The following ZFHX3 variants were observed in gnomAD, a reference collection of about 807,000 sequenced individuals.
ZFHX3 encodes zinc finger homeobox 3, also known as zinc finger homeobox protein 3.
Under a neutral mutation model 279.1 loss-of-function variants are expected in ZFHX3, and 42 were observed. The observed-to-expected ratio is 0.15, with a 90% CI of 0.12 to 0.19. The LOEUF is 0.19. Ranked by LOEUF, ZFHX3 falls within the 10% of genes least tolerant of loss-of-function variation. The pLI is 1.00. For missense variants in ZFHX3, 4,981 were observed against 4,754.0 expected (o/e 1.05, Z -1.40); for synonymous variants, 2,293 against 1,957.8 (o/e 1.17, Z -4.52).
chr16:72,921,213 C>A (rs996182679), intron 3 of ZFHX3, among the ~76,000 whole-genome samples: 3 of 152,172 alleles, frequency 2.0e-5, no homozygotes, highest in Admixed American at 1.3e-4. Flanking sequence ...TCCCGCCACA[C>A]CCTACATCAT....
At chr16:73,278,593 C>T (rs2014369771) in intron 4 of ZFHX3, among the ~76,000 whole-genome samples, 1 of 152,238 alleles carries the variant, frequency 6.6e-6, no homozygotes, top group Non-Finnish European at 1.5e-5. Context: ...GAGGTGCTGG[C>T]TGGGGTGGCC....
At position 72,785,880 on chromosome 16, in the gene ZFHX3, G is replaced by GT. The variant is rs1487682835; in HGVS notation, c.*1283dup. 1 of 152,102 alleles carries GT rather than the reference G, an allele frequency of 6.6e-6. No individual in the cohort carries two copies. The highest frequency in any genetic ancestry group is 1.5e-5 in the Non-Finnish European group (1 of 68,014). The allele number at this position is 152,102 out of a possible 1,614,324, so 9.4% of individuals were successfully genotyped here. On this transcript the variant is annotated 3_prime_UTR_variant, in exon 10 of 10. Coordinates refer to ENST00000268489, the MANE Select transcript of ZFHX3 (RefSeq NM_006885.4). ...AAATGCACAAAGCTAACAGACACAGGTAACTAGAATTATATGCCTTTAAAA... is the reference window on the plus strand; with the variant it reads ...AAATGCACAAAGCTAACAGACACAGGTTAACTAGAATTATATGCCTTTAAAA...
chr16:73,881,301 C>G (rs1306048715), intron 1 of ZFHX3, among the ~76,000 whole-genome samples: 1 of 152,110 alleles, frequency 6.6e-6, no homozygotes, highest in Non-Finnish European at 1.5e-5. Flanking sequence ...CGGTCTGTCA[C>G]GACATGCAGG....
intron 1 of ZFHX3, among the ~76,000 whole-genome samples, chr16:73,835,977 G>A (rs544858124): frequency 1.6e-4 from 24 of 152,102 alleles, no homozygotes; most frequent in Non-Finnish European, 2.2e-4. Context: ...ATGGGCTCAT[G>A]GAAATGAAAA....
chr16:73,201,067 C>G (rs1968257182), intron 5 of ZFHX3, among the ~76,000 whole-genome samples: 1 of 152,200 alleles, frequency 6.6e-6, no homozygotes, highest in African/African-American at 2.4e-5. Flanking sequence ...AGGGCAGACC[C>G]TACTCCCTGG....
chr16:73,771,311 G>A (rs976936839), intron 1 of ZFHX3, among the ~76,000 whole-genome samples: 3 of 152,130 alleles, frequency 2.0e-5, no homozygotes, highest in Non-Finnish European at 4.4e-5. Context: ...CCCTTAAGCA[G>A]GAGATCCTGG....
intron 1 of ZFHX3, among the ~76,000 whole-genome samples, chr16:73,862,098 A>C (rs1597148305): frequency 6.6e-6 from 1 of 152,256 alleles, no homozygotes; most frequent in Non-Finnish European, 1.5e-5. Context: ...CCAAGTGCTG[A>C]GCATTCATTT....
intron 2 of ZFHX3, among the ~76,000 whole-genome samples, chr16:73,514,247 C>CA (rs1174764051): frequency 5.1e-4 from 73 of 142,878 alleles, no homozygotes; most frequent in South Asian, 4.0e-3. Context: ...GACTCCGTCT[C>CA]AAAAAAAAAA....
chr16:73,373,430 G>A (rs1304283815), intron 3 of ZFHX3, among the ~76,000 whole-genome samples: 1 of 152,186 alleles, frequency 6.6e-6, no homozygotes, highest in East Asian at 1.9e-4. Context: ...CAATATGGAA[G>A]AGCCTCTTAA....
intron 4 of ZFHX3, among the ~76,000 whole-genome samples, chr16:73,281,216 T>C (rs1567438843): frequency 6.6e-6 from 1 of 152,034 alleles, no homozygotes; most frequent in Admixed American, 6.6e-5. Context: ...AGCCAAGATA[T>C]GAAAACAATC....
intron 6 of ZFHX3, among the ~76,000 whole-genome samples, chr16:73,136,046 C>G (rs372534390): frequency 1.3e-5 from 2 of 151,980 alleles, no homozygotes; most frequent in Non-Finnish European, 2.9e-5. Context: ...TTAGTAGAGA[C>G]GGGGTTTAAC....
At chr16:73,800,392 T>C (rs1305106758) in intron 1 of ZFHX3, among the ~76,000 whole-genome samples, 1 of 152,092 alleles carries the variant, frequency 6.6e-6, no homozygotes, top group South Asian at 2.1e-4. Context: ...AATTTTTGTA[T>C]TTTTAGTAGA....
intron 7 of ZFHX3, among the ~76,000 whole-genome samples, chr16:73,109,334 G>T (rs1966342774): frequency 1.3e-5 from 2 of 152,118 alleles, no homozygotes; most frequent in Non-Finnish European, 2.9e-5. Context: ...ACCCTTCCAT[G>T]TCATTCTGTT....
intron 1 of ZFHX3, among the ~76,000 whole-genome samples, chr16:72,979,746 C>T (rs1287757805): frequency 1.3e-5 from 2 of 151,826 alleles, no homozygotes; most frequent in East Asian, 1.9e-4. Context: ...AATTGAGGCC[C>T]GGGCAAAAGA....
intron 3 of ZFHX3, among the ~76,000 whole-genome samples, chr16:73,408,184 T>C (rs986239785): frequency 1.3e-5 from 2 of 151,594 alleles, no homozygotes; most frequent in African/African-American, 4.8e-5. Context: ...GACCCCCTAA[T>C]AGGCATTTCT....
intron 2 of ZFHX3, among the ~76,000 whole-genome samples, chr16:73,491,649 T>G (rs2019058291): frequency 6.6e-6 from 1 of 152,178 alleles, no homozygotes; most frequent in Non-Finnish European, 1.5e-5. Context: ...ATAATATGTG[T>G]GCTTATAGAT....
intron 7 of ZFHX3, among the ~76,000 whole-genome samples, chr16:72,803,137 G>T (rs2036161614): frequency 6.6e-6 from 1 of 152,234 alleles, no homozygotes; most frequent in African/African-American, 2.4e-5. Context: ...TTCAAGACCA[G>T]CCTGGCCAAC....
intron 7 of ZFHX3, among the ~76,000 whole-genome samples, chr16:72,804,313 C>T (rs538230281): frequency 9.2e-5 from 14 of 152,306 alleles, no homozygotes; most frequent in South Asian, 8.3e-4. Flanking sequence ...TTCTGAGATG[C>T]AGAGAGCCAG....
intron 7 of ZFHX3, among the ~76,000 whole-genome samples, chr16:73,121,418 G>A (rs1966497464): frequency 6.6e-6 from 1 of 151,900 alleles, no homozygotes; most frequent in Non-Finnish European, 1.5e-5. Context: ...TTAAAATATG[G>A]CTACTGGAAT....
Sources: gnomAD v4.1 joint callset for allele counts (sites outside exome capture counted in the v4.1 genomes callset) on GRCh38, gnomAD v4.1.1 for gene constraint, MANE v1.5 for transcripts, NCBI Gene and HGNC (gene_info 2026-07-23, HGNC 2026-07-21) for gene names.